Variants in ZNF717 observed in about 807,000 individuals in gnomAD.
ZNF717 encodes the protein krueppel-like factor X17.
A neutral mutation model predicts 13.8 loss-of-function variants in ZNF717; 9 were observed. The ratio of observed to expected loss-of-function variants is 0.65; its 90% CI spans 0.39 to 1.14. The LOEUF (loss-of-function observed/expected upper bound fraction) is 1.14. ZNF717 is among the 50% of genes most tolerant of loss of function. The pLI, the probability that ZNF717 is intolerant of heterozygous loss-of-function variation, is 0.01. For missense variants in ZNF717, 1,040 were observed against 1,080.7 expected, an observed-to-expected ratio of 0.96 and a Z score of 0.53; for synonymous variants, 327 against 364.1, an observed-to-expected ratio of 0.90 and a Z score of 1.16.
chr3:75,723,888 G>T (rs1334340731), intron 4 of ZNF717, among the ~76,000 whole-genome samples: 2 of 152,190 alleles, frequency 1.3e-5, no homozygotes, highest in Admixed American at 1.3e-4. Context: ...CATCAGTCAA[G>T]CTCGCCCGCA....
intron 2 of ZNF717, among the ~76,000 whole-genome samples, chr3:75,770,749 C>A (rs188882713): frequency 3.9e-5 from 6 of 152,184 alleles, no homozygotes; most frequent in African/African-American, 9.6e-5. Context: ...ATTTTTTGAG[C>A]TTAAGGTAAC....
rs1275516521 is a variant in ZNF717, at chr3:75,737,462, T to C, written c.2161A>G (p.Ile721Val). Residue 721 changes from isoleucine (I) to valine (V), a missense_variant, in exon 5 of 5, where the codon ATC (isoleucine) becomes GTC (valine). This residue lies in a region of ZNF717 where 873 missense variants were observed against 832.8 expected (regional missense o/e 1.05). Coordinates refer to ENST00000652011, the MANE Select transcript of ZNF717 (RefSeq NM_001290208.3). Reference protein sequence around the residue: ...PFIRRQIFRSIKVFTRGRNPM... With the variant: ...PFIRRQIFRSVKVFTRGRNPM... ...TTTCTCCCCCGTGTGAATACCTTGA[T>C]GCTTCTGAAGATTTGCCTTCTGATG... 2 of 1,555,390 alleles carry C rather than the reference T, an allele frequency of 1.3e-6. No homozygotes were observed. The highest frequency in any genetic ancestry group is 3.9e-5 in the Admixed American group (2 of 51,240).
At chr3:75,727,007 C>CAA (rs1938294917), downstream of ZNF717, among the ~76,000 whole-genome samples, 3 of 143,940 alleles carry the variant, frequency 2.1e-5, no homozygotes, top group Non-Finnish European at 3.1e-5. Flanking sequence ...AACCTTCTTG[C>CAA]GGGAAGTCAG....
intron 2 of ZNF717, among the ~76,000 whole-genome samples, chr3:75,753,625 C>T (rs1475924736): frequency 6.7e-6 from 1 of 149,394 alleles, no homozygotes; most frequent in Admixed American, 6.6e-5. Flanking sequence ...CTGAACACTG[C>T]TACGAGGGTC....
intron 4 of ZNF717, among the ~76,000 whole-genome samples, chr3:75,724,149 A>G (rs1575723978): frequency 2.0e-5 from 3 of 152,034 alleles, no homozygotes; most frequent in African/African-American, 7.2e-5. Context: ...GACCTTACCT[A>G]TCATTGGAGA....
In ZNF717 at chr3:75,781,799, C is replaced by T. The variant is rs143223970; in HGVS notation, c.57+1507G>A. 5.4e-3 allele frequency among the ~76,000 whole-genome samples: 819 copies of T among 152,252 alleles called. 4 individuals carry two copies. Among genetic ancestry groups the T allele is most frequent in the Non-Finnish European group, 7.3e-3 (500 of 68,028 alleles). On this transcript the variant is annotated intron_variant, in intron 2 of 4. Transcript: ENST00000652011. ...TACTCAGAGATAGTATCATAAAGCC[C>T]GCACATTTGTCCGGCAGCTAACGCC...
rs1300928441 is a variant in ZNF717, at chr3:75,737,387, T to G, written c.2236A>C (p.Thr746Pro). ...VEKPCQKSVLTVHHRTHTGEK... is the reference protein window; with the variant it reads ...VEKPCQKSVLPVHHRTHTGEK... ...CCGGTATGGGTTCTATGATGTACAG[T>G]GAGGACTGACTTCTGACAAGGTTTT... Residue 746 changes from threonine (T) to proline (P), a missense_variant, in exon 5 of 5, where the codon ACT (threonine) becomes CCT (proline). Thr to Pro is a conservative substitution (Grantham distance 38, BLOSUM62 -1). This residue lies in a region of ZNF717 where 873 missense variants were observed against 832.8 expected (regional missense o/e 1.05). Transcript: ENST00000652011. 155 of 1,552,962 alleles carry G rather than the reference T, an allele frequency of 1.0e-4. No individual in the cohort carries two copies. Among genetic ancestry groups the G allele is most frequent in the Middle Eastern group, 1.7e-4 (1 of 6,014 alleles).
rs1398873411 is a variant in ZNF717, at chr3:75,738,322, T to C, written c.1301A>G (p.His434Arg). ...ACDHCEEAFS[H>R]KSRLTVHQRT... ...CTGATGGACAGTAAGCCTTGACTTA[T>C]GGCTAAATGCTTCTTCACAATGGTC... is the stretch of plus-strand genomic sequence containing the variant. The change falls in exon 5 of 5, where the codon CAT becomes CGT. Residue 434 changes from histidine (H) to arginine (R), a missense_variant. Transcript: ENST00000652011. 35 of 1,540,742 alleles carry C rather than the reference T, an allele frequency of 2.3e-5. No individual in the cohort carries two copies. In the East Asian group the frequency reaches 7.5e-4, roughly 33 times the overall value.
downstream of ZNF717, among the ~76,000 whole-genome samples, chr3:75,709,365 G>A (rs76877752): frequency 9.2e-5 from 14 of 152,178 alleles, no homozygotes; most frequent in African/African-American, 1.9e-4. Context: ...CCAAGGGGAT[G>A]GTGCTAAACC....
In ZNF717 at chr3:75,757,528, A is replaced by C. The variant is rs564830301; in HGVS notation, c.58-15792T>G. Among the ~76,000 whole-genome samples, 7 of 152,308 alleles carry C rather than the reference A, an allele frequency of 4.6e-5. No individual in the cohort carries two copies. In the East Asian group the frequency reaches 1.4e-3, roughly 29 times the overall value. ...GATTTCTTTCAAAGTATTACCGCTCAATGACAATGCTCCTGGTACTCAAGG... is the reference window on the plus strand; with the variant it reads ...GATTTCTTTCAAAGTATTACCGCTCCATGACAATGCTCCTGGTACTCAAGG... On this transcript the variant is annotated intron_variant, in intron 2 of 4. Coordinates refer to ENST00000652011, the MANE Select transcript of ZNF717 (RefSeq NM_001290208.3).
At chr3:75,751,662 T>G (rs1218215212) in intron 2 of ZNF717, among the ~76,000 whole-genome samples, 2 of 148,422 alleles carry the variant, frequency 1.3e-5, no homozygotes, top group African/African-American at 5.0e-5. Flanking sequence ...GTCCCTCACA[T>G]AGGATTTCAG....
intron 2 of ZNF717, among the ~76,000 whole-genome samples, chr3:75,757,920 C>T (rs1222869955): frequency 1.0e-4 from 15 of 150,328 alleles, no homozygotes; most frequent in African/African-American, 3.7e-4. Context: ...TGAGACCAGC[C>T]TGGCCAACAT....
intron 2 of ZNF717, among the ~76,000 whole-genome samples, chr3:75,775,628 G>A (rs1414578743): frequency 1.3e-5 from 2 of 152,176 alleles, no homozygotes; most frequent in African/African-American, 4.8e-5. Flanking sequence ...GCTGAGGCCA[G>A]TGGATCACTT....
downstream of ZNF717, chr3:75,732,179 C>G: frequency 2.8e-6 from 2 of 702,208 alleles, no homozygotes; most frequent in Non-Finnish European, 5.2e-6. Flanking sequence ...CTGTTCTTAA[C>G]AAGGCTTATC....
intron 4 of ZNF717, among the ~76,000 whole-genome samples, chr3:75,716,943 A>G (rs1295678128): frequency 6.6e-6 from 1 of 152,176 alleles, no homozygotes; most frequent in Non-Finnish European, 1.5e-5. Flanking sequence ...ACACCCATTC[A>G]CTATGTTGTA....
chr3:75,783,385 C>A, intron 1 of ZNF717, 21 bp from the exon 2 acceptor site: 2 of 1,547,286 alleles, frequency 1.3e-6, no homozygotes, highest in Non-Finnish European at 1.7e-6. Flanking sequence ...AGGCAAATGA[C>A]GTGAATTAAG....
intron 5 of ZNF717, among the ~76,000 whole-genome samples, chr3:75,715,477 A>T (rs1186505254): frequency 6.6e-6 from 1 of 152,230 alleles, no homozygotes; most frequent in Admixed American, 6.5e-5. Context: ...GTTTGATCTG[A>T]GAGCCTAATT....
downstream of ZNF717, among the ~76,000 whole-genome samples, chr3:75,709,224 T>A (rs1937879487): frequency 1.3e-5 from 2 of 152,224 alleles, no homozygotes; most frequent in African/African-American, 4.8e-5. Flanking sequence ...GGTCTCAAAC[T>A]CCTGATCTCT....
chr3:75,775,851 CAAA>C (rs56879372), intron 2 of ZNF717, among the ~76,000 whole-genome samples: 423 of 78,144 alleles, frequency 5.4e-3, no homozygotes, highest in South Asian at 0.028. Context: ...GACTCTGTCT[CAAA>C]AAAAAAAAAA....
Sources: gnomAD v4.1 joint callset for allele counts (sites outside exome capture counted in the v4.1 genomes callset) on GRCh38, gnomAD v4.1.1 for gene constraint, gnomAD v4.1.1 regional missense constraint, MANE v1.5 for transcripts, NCBI Gene and HGNC (gene_info 2026-07-23, HGNC 2026-07-21) for gene names.